The following GSTCD variants were observed in gnomAD, a reference collection of about 807,000 sequenced individuals.
GSTCD encodes the protein glutathione S-transferase C-terminal domain containing.
In GSTCD, 44 loss-of-function variants were observed where a neutral mutation model predicts 68.3. The observed-to-expected ratio is 0.64, with a 90% CI of 0.51 to 0.83. The LOEUF (loss-of-function observed/expected upper bound fraction) is 0.83, where lower values mean the gene tolerates loss of function less well. Ranked by LOEUF, GSTCD falls within the 40% of genes least tolerant of loss-of-function variation. The probability of loss-of-function intolerance (pLI) is 0.00; values close to 1 mark genes in which losing one functional copy is unlikely to be tolerated. For missense variants in GSTCD, 739 were observed against 735.9 expected (o/e 1.00, Z -0.05); for synonymous variants, 273 against 255.2 (o/e 1.07, Z -0.67).
At chr4:105,718,166 A>G in intron 2 of GSTCD, 127 bp downstream of exon 2, 1 of 730,654 alleles carries the variant, frequency 1.4e-6, no homozygotes, top group Non-Finnish European at 2.1e-6. Flanking sequence ...CCAGTAACCA[A>G]TGAAATAAAG....
intron 5 of GSTCD, among the ~76,000 whole-genome samples, chr4:105,797,886 T>A (rs910044432): frequency 2.7e-5 from 4 of 150,678 alleles, no homozygotes; most frequent in Non-Finnish European, 4.4e-5. Context: ...GCGATTCTCC[T>A]GTCTCCCAAG....
At chr4:105,766,736 T>A (rs1220963523) in intron 5 of GSTCD, among the ~76,000 whole-genome samples, 1 of 152,120 alleles carries the variant, frequency 6.6e-6, no homozygotes. Context: ...TAATGGAACA[T>A]TGAGGTTGCA....
chr4:105,795,759 ATTAT>A (rs2149258578), intron 5 of GSTCD, among the ~76,000 whole-genome samples: 1 of 152,228 alleles, frequency 6.6e-6, no homozygotes, highest in South Asian at 2.1e-4. Context: ...CACCTTGTTA[ATTAT>A]TTAAACATTC....
chr4:105,725,975 T>C (rs60774107), intron 3 of GSTCD, among the ~76,000 whole-genome samples: 17,140 of 152,140 alleles, frequency 0.11, 1,326 homozygotes, highest in African/African-American at 0.21. Flanking sequence ...GAGAAGATTT[T>C]AATTTCTTTA....
At chr4:105,718,129 A>G in intron 2 of GSTCD, 90 bp downstream of exon 2, 1 of 1,027,804 alleles carries the variant, frequency 9.7e-7, no homozygotes, top group Middle Eastern at 2.3e-4. Flanking sequence ...CCTATTAGGA[A>G]TAAAAGTTTA....
intron 5 of GSTCD, among the ~76,000 whole-genome samples, 154 bp from the exon 6 acceptor site, chr4:105,822,800 T>C (rs1483829320): frequency 6.6e-6 from 1 of 152,134 alleles, no homozygotes; most frequent in Non-Finnish European, 1.5e-5. Context: ...GTCTGTTACA[T>C]GGAATTTATC....
intron 1 of GSTCD, among the ~76,000 whole-genome samples, chr4:105,709,474 C>T (rs190427459): frequency 2.8e-4 from 42 of 152,304 alleles, no homozygotes; most frequent in African/African-American, 9.9e-4. Context: ...TTAACATTTA[C>T]TCCAAAGGAC....
chr4:105,721,176 G>C (rs1732847654), intron 3 of GSTCD, among the ~76,000 whole-genome samples: 1 of 152,074 alleles, frequency 6.6e-6, no homozygotes, highest in South Asian at 2.1e-4. Flanking sequence ...GTTTCACCAT[G>C]TTGGCCAGGC....
chr4:105,714,153 A>G (rs1732616919), intron 1 of GSTCD, among the ~76,000 whole-genome samples: 1 of 152,140 alleles, frequency 6.6e-6, no homozygotes, highest in South Asian at 2.1e-4. Flanking sequence ...CCATTTATTC[A>G]TTCGGCAAGA....
At chr4:105,780,846 T>A (rs1057009553) in intron 5 of GSTCD, among the ~76,000 whole-genome samples, 4 of 152,224 alleles carry the variant, frequency 2.6e-5, no homozygotes, top group Non-Finnish European at 5.9e-5. Flanking sequence ...CTTCTGGAAT[T>A]ATTTTCCTCC....
chr4:105,840,963 A>G (rs187685120), intron 10 of GSTCD, among the ~76,000 whole-genome samples: 130 of 152,254 alleles, frequency 8.5e-4, no homozygotes, highest in Non-Finnish European at 1.6e-3. Flanking sequence ...GATATCCCAG[A>G]AAACTACAGA....
At chr4:105,793,768 GA>G (rs1419116733) in intron 5 of GSTCD, among the ~76,000 whole-genome samples, 1 of 151,832 alleles carries the variant, frequency 6.6e-6, no homozygotes, top group Non-Finnish European at 1.5e-5. Flanking sequence ...AAAAATTAAT[GA>G]ATTTATGGTT....
At chr4:105,769,554 C>T (rs575689980) in intron 5 of GSTCD, among the ~76,000 whole-genome samples, 1 of 152,308 alleles carries the variant, frequency 6.6e-6, no homozygotes, top group South Asian at 2.1e-4. Context: ...TTTCCTTCCT[C>T]TGCACCTTTG....
chr4:105,798,595 C>T (rs1197948707), intron 5 of GSTCD, among the ~76,000 whole-genome samples: 2 of 152,142 alleles, frequency 1.3e-5, no homozygotes. Context: ...CATTAATTTC[C>T]TTGTAGATCT....
At chr4:105,749,170 T>G (rs1733916695) in intron 5 of GSTCD, among the ~76,000 whole-genome samples, 2 of 35,310 alleles carry the variant, frequency 5.7e-5, no homozygotes. Context: ...AAAGGTTTAA[T>G]TAGAAAAAAA....
At chr4:105,817,673 A>G (rs1723066494) in intron 5 of GSTCD, among the ~76,000 whole-genome samples, 1 of 151,868 alleles carries the variant, frequency 6.6e-6, no homozygotes, top group Non-Finnish European at 1.5e-5. Context: ...AAGTTGCCCT[A>G]ACCTACAGTG....
chr4:105,771,009 T>C (rs1378225302), intron 5 of GSTCD, among the ~76,000 whole-genome samples: 1 of 152,212 alleles, frequency 6.6e-6, no homozygotes, highest in Non-Finnish European at 1.5e-5. Context: ...GCATTCCTAT[T>C]TCTCCATATC....
chr4:105,727,411 C>G (rs565909204), intron 4 of GSTCD, among the ~76,000 whole-genome samples: 2 of 151,728 alleles, frequency 1.3e-5, no homozygotes, highest in East Asian at 3.9e-4. Flanking sequence ...GTGGTCCCAG[C>G]TATTCAGGAG....
chr4:105,760,523 G>A (rs1476648767), intron 5 of GSTCD, among the ~76,000 whole-genome samples: 1 of 152,152 alleles, frequency 6.6e-6, no homozygotes, highest in Admixed American at 6.6e-5. Context: ...GGATTACTAA[G>A]TTGGAAAGAC....
Sources: gnomAD v4.1 joint callset for allele counts (sites outside exome capture counted in the v4.1 genomes callset) on GRCh38, gnomAD v4.1.1 for gene constraint, MANE v1.5 for transcripts, NCBI Gene and HGNC (gene_info 2026-07-23, HGNC 2026-07-21) for gene names.